Variants in GUCY1B1 observed in about 807,000 individuals in gnomAD.
GUCY1B1 encodes guanylate cyclase soluble subunit beta-1.
Under a neutral mutation model 71.0 loss-of-function variants are expected in GUCY1B1, and 43 were observed. The observed-to-expected ratio is 0.61, with a 90% CI of 0.47 to 0.78. The LOEUF (loss-of-function observed/expected upper bound fraction) is 0.78. Ranked by LOEUF, GUCY1B1 falls within the 30% of genes least tolerant of loss-of-function variation. The pLI, the probability that GUCY1B1 is intolerant of heterozygous loss-of-function variation, is 0.00. For missense variants in GUCY1B1, 535 were observed against 754.1 expected (o/e 0.71, Z 3.40); for synonymous variants, 266 against 259.7 (o/e 1.02, Z -0.23).
At chr4:155,777,381 A>G (rs369981596) in intron 3 of GUCY1B1, 143 bp from the exon 4 acceptor site, 6 of 609,346 alleles carry the variant, frequency 9.8e-6, no homozygotes, top group South Asian at 2.0e-5. Flanking sequence ...TCCTGGCGGG[A>G]TTTTTTTCAT....
intron 4 of GUCY1B1, among the ~76,000 whole-genome samples, chr4:155,778,179 G>A (rs970862298): frequency 7.2e-5 from 11 of 152,134 alleles, no homozygotes; most frequent in African/African-American, 2.4e-4. Context: ...TCTACTGTAC[G>A]AGGGAAAATA....
chr4:155,804,821 A>G, intron 12 of GUCY1B1, 74 bp downstream of exon 12: 1 of 1,355,870 alleles, frequency 7.4e-7, no homozygotes, highest in Non-Finnish European at 1.0e-6. Flanking sequence ...ATTCTCTGAG[A>G]GATTTTGTTG....
At chr4:155,783,787 T>C (rs949145282) in intron 4 of GUCY1B1, among the ~76,000 whole-genome samples, 1 of 152,226 alleles carries the variant, frequency 6.6e-6, no homozygotes, top group Non-Finnish European at 1.5e-5. Context: ...CCCTAAATTA[T>C]TTATATTTCT....
intron 4 of GUCY1B1, among the ~76,000 whole-genome samples, chr4:155,786,255 T>C (rs1020172664): frequency 7.0e-6 from 1 of 143,762 alleles, no homozygotes; most frequent in African/African-American, 2.6e-5. Context: ...TTGAAGTTAT[T>C]GTTTGGTTCA....
rs1579260651 is a variant in GUCY1B1 at position 155,802,866 on chromosome 4, G to A, written c.1413+287G>A. On this transcript the variant is annotated intron_variant, in intron 10 of 13. Coordinates refer to ENST00000264424, the MANE Select transcript of GUCY1B1 (RefSeq NM_000857.5). This position sits in a 1 kb window ranked among gnomAD's most constrained non-coding sequence, Gnocchi z 4.3. ...TTAGGCTAACAAATCTGGACAGGCT[G>A]TTTATCACATGTAGTATAAACATAG... Among the ~76,000 whole-genome samples the A allele has an allele frequency of 6.6e-6, 1 of 152,160 alleles. No homozygotes were observed. The highest frequency in any genetic ancestry group is 1.9e-4 in the East Asian group (1 of 5,190).
chr4:155,786,706 C>A (rs952165913), intron 4 of GUCY1B1, among the ~76,000 whole-genome samples: 1 of 151,896 alleles, frequency 6.6e-6, no homozygotes, highest in African/African-American at 2.4e-5. Flanking sequence ...ATCTCCTGAC[C>A]TTGTGATCCG....
At chr4:155,799,802 C>A in intron 8 of GUCY1B1, 75 bp from the exon 9 acceptor site, 1 of 768,162 alleles carries the variant, frequency 1.3e-6, no homozygotes, top group South Asian at 1.9e-5. Flanking sequence ...GGATCAGATT[C>A]CTTGACAGAA....
Position 155,777,390 on chromosome 4 carries a change from A to T in GUCY1B1, c.179-134A>T, listed in dbSNP as rs569261730. ...GTATTGTCCTGGCGGGATTTTTTTC[A>T]TATGATCTATGCTTGCCATGCACAA... On this transcript the variant is annotated intron_variant, in intron 3 of 13. Coordinates refer to ENST00000264424, the MANE Select transcript of GUCY1B1 (RefSeq NM_000857.5). 5 of 615,580 alleles carry T rather than the reference A, an allele frequency of 8.1e-6. No homozygotes were observed. In the East Asian group the frequency reaches 8.3e-5, roughly 10 times the overall value. The allele number at this position is 615,580 out of a possible 1,614,324, so 38.1% of individuals were successfully genotyped here.
chr4:155,794,123 A>G (rs1289511456), intron 6 of GUCY1B1, 37 bp downstream of exon 6: 1 of 1,141,138 alleles, frequency 8.8e-7, no homozygotes, highest in Non-Finnish European at 1.3e-6. Flanking sequence ...GCCTGAGACA[A>G]AAGCCCATAG....
chr4:155,794,106 C>G lies in GUCY1B1; in HGVS notation c.726+20C>G. Reference sequence around the variant, plus strand: ...CCCCAGGTAAAATGACAGCATACTTCCTTGGGGCCTGAGACAAAAGCCCAT... The same window carrying G: ...CCCCAGGTAAAATGACAGCATACTTGCTTGGGGCCTGAGACAAAAGCCCAT... On this transcript the variant is annotated intron_variant, in intron 6 of 13. Coordinates refer to ENST00000264424, the MANE Select transcript of GUCY1B1 (RefSeq NM_000857.5). The G allele has an allele frequency of 7.5e-7, 1 of 1,326,700 alleles. No homozygotes were observed. The highest frequency in any genetic ancestry group is 1.1e-6 in the Non-Finnish European group (1 of 922,718). 82.2% of individuals were successfully genotyped at this position (1,326,700 alleles called of 1,614,324 possible). A position where few individuals can be genotyped will look rare whatever the true frequency, so the allele number is the denominator to read the frequency against.
At chr4:155,759,750 G>C in intron 1 of GUCY1B1, 37 bp from the exon 2 acceptor site, 3 of 1,503,624 alleles carry the variant, frequency 2.0e-6, no homozygotes, top group Non-Finnish European at 2.8e-6. Context: ...CAGGTACAGC[G>C]GGTCCCTGAC....
At chr4:155,799,796 C>A in intron 8 of GUCY1B1, 81 bp from the exon 9 acceptor site, 1 of 720,090 alleles carries the variant, frequency 1.4e-6, no homozygotes, top group Non-Finnish European at 2.4e-6. Context: ...GTGGCAGGAT[C>A]AGATTCCTTG....
At chr4:155,797,735 AAATAATAAT>A (rs148793772) in intron 8 of GUCY1B1, among the ~76,000 whole-genome samples, 2 of 144,978 alleles carry the variant, frequency 1.4e-5, no homozygotes, top group Admixed American at 7.0e-5. Flanking sequence ...CACTGTCTCA[AAATAATAAT>A]AATAATAATA....
At chr4:155,775,228 G>T (rs2111029955) in intron 3 of GUCY1B1, among the ~76,000 whole-genome samples, 160 bp downstream of exon 3, 1 of 152,298 alleles carries the variant, frequency 6.6e-6, no homozygotes, top group South Asian at 2.1e-4. Context: ...TTAGGCTCAG[G>T]CTATGCCAAG....
At chr4:155,805,764 G>T (rs1330622671) in intron 13 of GUCY1B1, among the ~76,000 whole-genome samples, 1 of 152,136 alleles carries the variant, frequency 6.6e-6, no homozygotes, top group Non-Finnish European at 1.5e-5. Context: ...GCTAGAATCT[G>T]ATTAATTCCT....
At chr4:155,780,177 AAC>A in intron 4 of GUCY1B1, among the ~76,000 whole-genome samples, 1 of 152,270 alleles carries the variant, frequency 6.6e-6, no homozygotes, top group South Asian at 2.1e-4. Context: ...AAATATTTAA[AAC>A]AATTGAAACC....
chr4:155,778,840 T>C (rs1043452229), intron 4 of GUCY1B1, among the ~76,000 whole-genome samples: 15 of 152,246 alleles, frequency 9.9e-5, no homozygotes, highest in African/African-American at 3.6e-4. Context: ...TATTTCACTT[T>C]TTAGTACTTT....
At chr4:155,785,216 G>T in intron 4 of GUCY1B1, 1 of 715,530 alleles carries the variant, frequency 1.4e-6, no homozygotes, top group South Asian at 1.7e-5. Flanking sequence ...ATAGATGAAT[G>T]GACCTACTCT....
At chr4:155,761,149 A>G (rs1394391808) in intron 2 of GUCY1B1, among the ~76,000 whole-genome samples, 2 of 152,222 alleles carry the variant, frequency 1.3e-5, no homozygotes, top group East Asian at 3.8e-4. Flanking sequence ...TTTGGCAAGT[A>G]TGTGGTTGAA....
Sources: allele counts gnomAD v4.1 joint callset (sites outside exome capture counted in the v4.1 genomes callset), GRCh38; gene constraint gnomAD v4.1.1; non-coding constraint Gnocchi (gnomAD v3.1); transcripts MANE v1.5; gene names NCBI Gene and HGNC (gene_info 2026-07-23, HGNC 2026-07-21).